The following BDH1 variants were observed in gnomAD, a reference collection of about 807,000 sequenced individuals.
The protein encoded by BDH1 is D-beta-hydroxybutyrate dehydrogenase, mitochondrial.
A neutral mutation model predicts 33.1 loss-of-function variants in BDH1; 30 were observed. That is an observed-to-expected ratio of 0.91 (90% CI 0.68 to 1.23). The LOEUF (loss-of-function observed/expected upper bound fraction) is 1.23. Among genes scored for constraint, BDH1 ranks in the 50% most tolerant of loss-of-function variants. The pLI, the probability that BDH1 is intolerant of heterozygous loss-of-function variation, is 0.00. For missense variants in BDH1, 443 were observed against 464.4 expected (o/e 0.95, Z 0.42); for synonymous variants, 190 against 183.6 (o/e 1.03, Z -0.28).
intron 1 of BDH1, 153 bp downstream of exon 1, chr3:197,555,628 C>A (rs1167819107): frequency 6.6e-6 from 1 of 152,314 alleles, no homozygotes; most frequent in Non-Finnish European, 1.5e-5. Flanking sequence ...TACCCCGCTG[C>A]GGCCGCAGGG....
At chr3:197,534,357 C>T (rs1289661922) in intron 3 of BDH1, among the ~76,000 whole-genome samples, 1 of 152,190 alleles carries the variant, frequency 6.6e-6, no homozygotes, top group African/African-American at 2.4e-5. Flanking sequence ...TGGCTTTTTT[C>T]ATTCAACATA....
chr3:197,543,824 G>A (rs963897489), intron 3 of BDH1, among the ~76,000 whole-genome samples: 3 of 152,168 alleles, frequency 2.0e-5, no homozygotes, highest in Non-Finnish European at 2.9e-5. Context: ...GTAGACAAGT[G>A]GGTGGGTATT....
At chr3:197,572,143 T>C (rs1717628550) in intron 1 of BDH1, among the ~76,000 whole-genome samples, 1 of 152,056 alleles carries the variant, frequency 6.6e-6, no homozygotes, top group African/African-American at 2.4e-5. Context: ...ACAGGACCCA[T>C]TTAGGATTAA....
chr3:197,540,813 C>G (rs559977053), intron 3 of BDH1, among the ~76,000 whole-genome samples: 5 of 152,272 alleles, frequency 3.3e-5, no homozygotes, highest in Admixed American at 1.3e-4. Context: ...GTGTATTATA[C>G]CAGGCTCTAC....
chr3:197,519,026 G>A (rs1422982098), intron 6 of BDH1, among the ~76,000 whole-genome samples: 1 of 72,228 alleles, frequency 1.4e-5, no homozygotes, highest in Non-Finnish European at 2.4e-5. Flanking sequence ...CCTGCTCTAT[G>A]GTCTCCATCC....
chr3:197,538,581 A>C, intron 3 of BDH1: 1 of 313,254 alleles, frequency 3.2e-6, no homozygotes, highest in Non-Finnish European at 6.3e-6. Context: ...CGAACTCCTG[A>C]CCTCAGGTGA....
chr3:197,562,157 C>T (rs750930544), intron 1 of BDH1, among the ~76,000 whole-genome samples: 31 of 152,294 alleles, frequency 2.0e-4, no homozygotes, highest in South Asian at 1.5e-3. Context: ...TAATGGCAGA[C>T]GAGAACTACA....
At chr3:197,564,097 C>T (rs1348957209) in intron 1 of BDH1, among the ~76,000 whole-genome samples, 2 of 46,564 alleles carry the variant, frequency 4.3e-5, no homozygotes, top group Admixed American at 2.0e-4. Context: ...CAGACTTCAT[C>T]TAAAAAAAAA....
rs1711952229 is a variant in BDH1, at chr3:197,510,889, T to C, written c.*1006A>G. 6.6e-6 allele frequency: 1 copy of C among 152,096 alleles called. No homozygotes were observed. Among genetic ancestry groups the C allele is most frequent in the Non-Finnish European group, 1.5e-5 (1 of 68,126 alleles). The allele number at this position is 152,096 out of a possible 1,614,324, so 9.4% of individuals were successfully genotyped here. A position where few individuals can be genotyped will look rare whatever the true frequency, so the allele number is the denominator to read the frequency against. Reference sequence around the variant, plus strand: ...CCAAACCAGTAACAACTTATCCCCTTAGCCAGAGAGCACCTCCACACAAGT... The same window carrying C: ...CCAAACCAGTAACAACTTATCCCCTCAGCCAGAGAGCACCTCCACACAAGT... On this transcript the variant is annotated 3_prime_UTR_variant, in exon 8 of 8. Transcript: ENST00000392379.
upstream of BDH1, among the ~76,000 whole-genome samples, chr3:197,558,481 C>T (rs148647845): frequency 5.9e-5 from 9 of 152,270 alleles, no homozygotes; most frequent in African/African-American, 1.7e-4. Context: ...GATCAACTCA[C>T]GAATACACCC....
intron 2 of BDH1, among the ~76,000 whole-genome samples, chr3:197,549,190 C>T (rs75176582): frequency 0.098 from 14,966 of 152,172 alleles, 886 homozygotes; most frequent in African/African-American, 0.16. Context: ...GGGGGCTTGA[C>T]TCCCAGGGAC....
At chr3:197,547,125 G>A (rs1377776755) in intron 2 of BDH1, among the ~76,000 whole-genome samples, 6 of 149,558 alleles carry the variant, frequency 4.0e-5, no homozygotes, top group African/African-American at 1.5e-4. Flanking sequence ...CACCCTCCCC[G>A]CTCCCTCACC....
rs552909242 is a variant in BDH1 at position 197,572,048 on chromosome 3, C to T, written c.-44+1133G>A. Among the ~76,000 whole-genome samples, 151 of 152,314 alleles carry T rather than the reference C, an allele frequency of 9.9e-4. 2 individuals carry two copies. The highest frequency in any genetic ancestry group is 3.5e-3 in the African/African-American group (147 of 41,580). On this transcript the variant is annotated intron_variant, in intron 1 of 6. Coordinates refer to the BDH1 transcript ENST00000358186. Reference sequence around the variant, plus strand: ...ATAGCATCAGTGCCCTATACAAAGGCTTGAATGTAACAAAAGCCCACCAAG... The same window carrying T: ...ATAGCATCAGTGCCCTATACAAAGGTTTGAATGTAACAAAAGCCCACCAAG...
At chr3:197,561,400 C>G (rs532745653) in intron 1 of BDH1, among the ~76,000 whole-genome samples, 1 of 152,112 alleles carries the variant, frequency 6.6e-6, no homozygotes, top group African/African-American at 2.4e-5. Context: ...TTTCCTCTTT[C>G]CATGACGATA....
intron 3 of BDH1, among the ~76,000 whole-genome samples, chr3:197,541,289 G>A (rs1334804987): frequency 6.6e-6 from 1 of 152,210 alleles, no homozygotes; most frequent in Non-Finnish European, 1.5e-5. Flanking sequence ...ATTCACCTCA[G>A]GGGATTCCAG....
intron 2 of BDH1, among the ~76,000 whole-genome samples, chr3:197,548,160 C>A (rs1716246899): frequency 6.6e-6 from 1 of 152,194 alleles, no homozygotes. Context: ...CGGCCTGTGG[C>A]CACAAAAGAA....
chr3:197,572,792 A>G (rs780089383), intron 1 of BDH1, among the ~76,000 whole-genome samples: 2 of 152,240 alleles, frequency 1.3e-5, no homozygotes, highest in Non-Finnish European at 2.9e-5. Context: ...TGAGATTCTC[A>G]ATCCCTAAAA....
intron 1 of BDH1, among the ~76,000 whole-genome samples, chr3:197,561,237 A>G (rs1717249624): frequency 6.6e-6 from 1 of 152,148 alleles, no homozygotes; most frequent in African/African-American, 2.4e-5. Context: ...TACGGCTCAA[A>G]CCAATAGGAC....
chr3:197,544,332 A>T (rs1326436927), intron 3 of BDH1, among the ~76,000 whole-genome samples: 6 of 152,168 alleles, frequency 3.9e-5, no homozygotes, highest in African/African-American at 7.2e-5. Flanking sequence ...GAAGATTCCA[A>T]ATTCCCTTTG....
Sources: gnomAD v4.1 joint callset for allele counts (sites outside exome capture counted in the v4.1 genomes callset) on GRCh38, gnomAD v4.1.1 for gene constraint, MANE v1.5 for transcripts, NCBI Gene and HGNC (gene_info 2026-07-23, HGNC 2026-07-21) for gene names.